Variants in FRYL observed in about 807,000 individuals in gnomAD.
FRYL encodes the protein FRY like transcription coactivator.
A neutral mutation model predicts 351.2 loss-of-function variants in FRYL; 150 were observed. The ratio of observed to expected loss-of-function variants is 0.43; its 90% CI spans 0.37 to 0.49. The LOEUF (loss-of-function observed/expected upper bound fraction) is 0.49, where lower values mean the gene tolerates loss of function less well. Ranked by LOEUF, FRYL falls within the 20% of genes least tolerant of loss-of-function variation. The pLI is 0.00. For synonymous variants in FRYL, 1,153 were observed against 1,257.1 expected (o/e 0.92, Z 1.75); for missense variants, 3,036 against 3,619.3 (o/e 0.84, Z 4.13).
At chr4:48,659,093 G>A (rs1759889492) in intron 3 of FRYL, among the ~76,000 whole-genome samples, 1 of 152,090 alleles carries the variant, frequency 6.6e-6, no homozygotes, top group Admixed American at 6.6e-5. Flanking sequence ...GCTCACGCCT[G>A]TAATCCCAAC....
intron 22 of FRYL, among the ~76,000 whole-genome samples, chr4:48,580,275 T>C (rs1183197258): frequency 6.6e-6 from 1 of 152,092 alleles, no homozygotes; most frequent in Non-Finnish European, 1.5e-5. Context: ...TACATCAACT[T>C]TGGAATCTTA....
In FRYL at chr4:48,634,523, T is replaced by C. The variant is rs148104832; in HGVS notation, c.-80-33A>G. The C allele has an allele frequency of 3.5e-3, 5,425 of 1,557,292 alleles. 27 individuals carry two copies. The highest frequency in any genetic ancestry group is 0.014 in the South Asian group (1,243 of 87,804). ...TAAAAGAAACAAAAGAACTCTACTTTAATAAATCAACTCAAGAGGTCTACC... is the reference window on the plus strand; with the variant it reads ...TAAAAGAAACAAAAGAACTCTACTTCAATAAATCAACTCAAGAGGTCTACC... On this transcript the variant is annotated intron_variant, in intron 3 of 63. Coordinates refer to ENST00000358350, the MANE Select transcript of FRYL (RefSeq NM_015030.2).
intron 4 of FRYL, among the ~76,000 whole-genome samples, chr4:48,630,482 C>T (rs765335612): frequency 2.0e-5 from 3 of 152,214 alleles, no homozygotes; most frequent in Middle Eastern, 3.4e-3. Context: ...GGATTTTCTT[C>T]TATCTTCTTT....
At chr4:48,697,525 C>T (rs1546653) in intron 2 of FRYL, among the ~76,000 whole-genome samples, 148,357 of 152,222 alleles carry the variant, frequency 0.97, 72,413 homozygotes, top group East Asian at 1. Context: ...GAGTCTCACT[C>T]TGTCCCCCAG....
At chr4:48,620,536 GT>G in intron 6 of FRYL, 102 bp downstream of exon 6, 1 of 1,181,718 alleles carries the variant, frequency 8.5e-7, no homozygotes, top group Non-Finnish European at 1.2e-6. Context: ...AATCAACGCA[GT>G]TTGCTTAGGA....
intron 1 of FRYL, among the ~76,000 whole-genome samples, chr4:48,774,125 G>A (rs757893817): frequency 3.3e-5 from 5 of 152,050 alleles, no homozygotes; most frequent in Admixed American, 6.6e-5. Flanking sequence ...TGGATCAGTG[G>A]TTGCCTAGGG....
rs1723276450 is a variant in FRYL at position 48,515,020 on chromosome 4, A to G, written c.7937+8T>C. ...CTCACTACAGTGTTTATGATACTGT[A>G]TTCTCACCTAGACAGTCCGGAGAAA... On this transcript the variant is annotated splice_region_variant and intron_variant, in intron 56 of 63. Transcript: ENST00000358350. The G allele has an allele frequency of 1.9e-6, 3 of 1,611,130 alleles. No individual in the cohort carries two copies. The highest frequency in any genetic ancestry group is 1.3e-5 in the African/African-American group (1 of 74,718).
chr4:48,540,770 G>A lies in FRYL; in HGVS notation c.5878C>T (p.Leu1960=), dbSNP rs774539145. The change falls in exon 46 of 64, where the codon CTG becomes TTG. Residue 1960 remains leucine (L), a synonymous_variant. Transcript: ENST00000358350. The part of the protein sequence containing the change: ...RRGDRRRSNT[L]DIMDGRINHS... ...TTTATCCGTCCATCCATTATATCCAGTGTGTTACTCCGCCGCCGGTCACCT... is the reference window on the plus strand; with the variant it reads ...TTTATCCGTCCATCCATTATATCCAATGTGTTACTCCGCCGCCGGTCACCT... 3 of 1,613,916 alleles carry A rather than the reference G, an allele frequency of 1.9e-6. No individual in the cohort carries two copies. The highest frequency in any genetic ancestry group is 1.1e-5 in the South Asian group (1 of 91,052).
chr4:48,778,632 C>G (rs947523813), intron 1 of FRYL, among the ~76,000 whole-genome samples: 3 of 152,206 alleles, frequency 2.0e-5, no homozygotes, highest in Non-Finnish European at 4.4e-5. Context: ...CTGATTTCCT[C>G]GGCAAGTATT....
intron 3 of FRYL, among the ~76,000 whole-genome samples, chr4:48,660,840 CCA>C (rs2045947067): frequency 6.6e-6 from 1 of 152,020 alleles, no homozygotes; most frequent in Non-Finnish European, 1.5e-5. Context: ...TGAGACAAAT[CCA>C]AATTGAGGGA....
At chr4:48,545,543 T>C (rs1242198279) in intron 42 of FRYL, among the ~76,000 whole-genome samples, 2 of 152,202 alleles carry the variant, frequency 1.3e-5, no homozygotes. Context: ...TACAACCTTA[T>C]GGCCTGGGCT....
intron 9 of FRYL, 71 bp from the exon 10 acceptor site, chr4:48,606,677 A>G: frequency 2.3e-6 from 3 of 1,281,616 alleles, no homozygotes; most frequent in Non-Finnish European, 3.2e-6. Context: ...TTTAAGGGTA[A>G]AAATCAAAAG....
chr4:48,687,516 A>AGGGGGGGGGGGGGGGGG (rs1560861234), intron 2 of FRYL, among the ~76,000 whole-genome samples: 1 of 46,500 alleles, frequency 2.2e-5, no homozygotes, highest in Non-Finnish European at 4.0e-5. Context: ...GTGAGGGGGG[A>AGGGGGGGGGGGGGGGGG]GGGGGGCGGA....
chr4:48,609,607 G>A (rs1747626102), intron 8 of FRYL, 137 bp downstream of exon 8: 1 of 480,512 alleles, frequency 2.1e-6, no homozygotes, highest in Non-Finnish European at 3.7e-6. Context: ...GGGTGAAAGT[G>A]AGACCTTGCC....
chr4:48,623,196 C>G lies in FRYL; in HGVS notation c.121-17G>C, dbSNP rs776579. On this transcript the variant is annotated splice_polypyrimidine_tract_variant and intron_variant, in intron 4 of 63. Coordinates refer to ENST00000358350, the MANE Select transcript of FRYL (RefSeq NM_015030.2). ...TAGCTTCTCCTATGATTAAAAAAAACAAACATTAAAAATAAAAATAAAGCA... is the reference window on the plus strand; with the variant it reads ...TAGCTTCTCCTATGATTAAAAAAAAGAAACATTAAAAATAAAAATAAAGCA... The G allele has an allele frequency of 1.8e-6, 2 of 1,110,548 alleles. No homozygotes were observed. The highest frequency in any genetic ancestry group is 5.2e-5 in the Admixed American group (2 of 38,302). The allele number at this position is 1,110,548 out of a possible 1,614,324, so 68.8% of individuals were successfully genotyped here.
At chr4:48,778,273 T>A (rs772196974) in intron 1 of FRYL, among the ~76,000 whole-genome samples, 1 of 151,684 alleles carries the variant, frequency 6.6e-6, no homozygotes, top group Non-Finnish European at 1.5e-5. Context: ...TCCACACCAC[T>A]CCGAAGTTAC....
chr4:48,659,536 G>A (rs1261281710), intron 3 of FRYL, among the ~76,000 whole-genome samples: 1 of 1,310 alleles, frequency 7.6e-4, no homozygotes, highest in African/African-American at 8.1e-4. Context: ...AGAAGGAGAA[G>A]AGGGAGAAGG....
intron 56 of FRYL, among the ~76,000 whole-genome samples, chr4:48,514,174 A>C (rs558031876): frequency 3.0e-4 from 46 of 152,296 alleles, no homozygotes; most frequent in African/African-American, 1.0e-3. Context: ...TAAAATTCTG[A>C]AATACTCGAT....
chr4:48,768,726 C>T (rs935693303), intron 1 of FRYL, among the ~76,000 whole-genome samples: 13 of 151,970 alleles, frequency 8.6e-5, no homozygotes, highest in Non-Finnish European at 1.9e-4. Context: ...TCACTTGAAC[C>T]CAGGAGGTGG....
Sources: gnomAD v4.1 joint callset for allele counts (sites outside exome capture counted in the v4.1 genomes callset) on GRCh38, gnomAD v4.1.1 for gene constraint, MANE v1.5 for transcripts, NCBI Gene and HGNC (gene_info 2026-07-23, HGNC 2026-07-21) for gene names.